SNRNP200: variants seen among roughly 807,000 people sequenced by gnomAD.
SNRNP200 encodes U5 small nuclear ribonucleoprotein 200 kDa helicase.
A neutral mutation model predicts 255.2 loss-of-function variants in SNRNP200; 66 were observed. The ratio of observed to expected loss-of-function variants is 0.26; its 90% CI spans 0.21 to 0.32. The LOEUF is 0.32. SNRNP200 is among the 10% of genes least tolerant of loss of function. SNRNP200 has a pLI of 1.00. For synonymous variants in SNRNP200, 939 were observed against 1,027.8 expected, an observed-to-expected ratio of 0.91 and a Z score of 1.65; for missense variants, 1,585 against 2,749.8, an observed-to-expected ratio of 0.58 and a Z score of 9.47.
intron 5 of SNRNP200, 90 bp from the exon 6 acceptor site, chr2:96,299,517 A>C: frequency 5.6e-6 from 6 of 1,063,236 alleles, no homozygotes; most frequent in Non-Finnish European, 7.3e-6. Flanking sequence ...AATTAGCTCA[A>C]TGGGTAGAGA....
In SNRNP200 at chr2:96,290,210, G is replaced by T; in HGVS notation, c.2742+116C>A. On this transcript the variant is annotated intron_variant, in intron 20 of 44. Transcript: ENST00000323853. This position sits in a 1 kb window ranked among gnomAD's most constrained non-coding sequence, Gnocchi z 4.5. ...TATCTGCCAGACCCAAGATGTGGGT[G>T]CAGGGATGGAAGGCCTCGGACGCTG... is the stretch of plus-strand genomic sequence containing the variant. 1 of 1,177,988 alleles carries T rather than the reference G, an allele frequency of 8.5e-7. No homozygotes were observed. The highest frequency in any genetic ancestry group is 1.3e-6 in the Non-Finnish European group (1 of 784,554). 73.0% of individuals were successfully genotyped at this position (1,177,988 alleles called of 1,614,324 possible).
chr2:96,296,814 A>T, intron 12 of SNRNP200, 119 bp downstream of exon 12: 1 of 1,549,452 alleles, frequency 6.5e-7, no homozygotes, highest in Non-Finnish European at 8.9e-7. Context: ...CCTACTATTT[A>T]ACCTCTCTTC....
intron 16 of SNRNP200, among the ~76,000 whole-genome samples, chr2:96,292,150 A>G (rs1018624486): frequency 6.6e-6 from 1 of 152,256 alleles, no homozygotes; most frequent in African/African-American, 2.4e-5. Context: ...TTGAACAGCA[A>G]CTTTAAATAG....
At position 96,286,587 on chromosome 2, in the gene SNRNP200, ACT is replaced by A. The variant is rs2063845197; in HGVS notation, c.3829+99_3829+100del. The A allele has an allele frequency of 2.5e-6, 4 of 1,586,366 alleles. No homozygotes were observed. The highest frequency in any genetic ancestry group is 2.2e-5 in the East Asian group (1 of 44,458). On this transcript the variant is annotated intron_variant, in intron 28 of 44. Coordinates refer to ENST00000323853, the MANE Select transcript of SNRNP200 (RefSeq NM_014014.5). The surrounding 1 kb of genome is among the most constrained non-coding windows in gnomAD (Gnocchi z 4.8). ...TGGAAACCTAGGCAGCATATGTATCACTCTGTCCCCAGCAAGGGCAAGCCCGG... is the reference window on the plus strand; with the variant it reads ...TGGAAACCTAGGCAGCATATGTATCACTGTCCCCAGCAAGGGCAAGCCCGG...
chr2:96,300,475 T>C (rs1048076318), intron 5 of SNRNP200, among the ~76,000 whole-genome samples: 1 of 152,200 alleles, frequency 6.6e-6, no homozygotes, highest in Non-Finnish European at 1.5e-5. Flanking sequence ...AATAATTATA[T>C]TGTGGCCGGG....
Position 96,287,412 on chromosome 2 carries a change from G to C in SNRNP200, c.3484+27C>G, listed in dbSNP as rs377349905. On this transcript the variant is annotated intron_variant, in intron 26 of 44. Transcript: ENST00000323853. This position sits in a 1 kb window ranked among gnomAD's most constrained non-coding sequence, Gnocchi z 5.7. ...ACTGGGAGAGACACCCAGGCAGTGA[G>C]GACAAGGGCGAGAGCATCCCACACA... 5 of 1,517,622 alleles carry C rather than the reference G, an allele frequency of 3.3e-6. No individual in the cohort carries two copies. The highest frequency in any genetic ancestry group is 4.6e-6 in the Non-Finnish European group (5 of 1,092,226). The allele number at this position is 1,517,622 out of a possible 1,614,324, so 94.0% of individuals were successfully genotyped here. A position where few individuals can be genotyped will look rare whatever the true frequency, so the allele number is the denominator to read the frequency against.
At position 96,288,999 on chromosome 2, in the gene SNRNP200, TC is replaced by T; in HGVS notation, c.3174+37del. 2.6e-6 allele frequency: 4 copies of T among 1,546,746 alleles called. No homozygotes were observed. In the South Asian group the frequency reaches 3.5e-5, roughly 13 times the overall value. On this transcript the variant is annotated intron_variant, in intron 23 of 44. Transcript: ENST00000323853. ...TTAGAAGATTATGAAAACCACTTAATCCTCATCCTTATCAAAGCAAAGAGGA... is the reference window on the plus strand; with the variant it reads ...TTAGAAGATTATGAAAACCACTTAATCTCATCCTTATCAAAGCAAAGAGGA...
In SNRNP200 at chr2:96,283,150, C is replaced by T; in HGVS notation, c.4915+51G>A. 1.9e-6 allele frequency: 3 copies of T among 1,609,660 alleles called. No individual in the cohort carries two copies. Among genetic ancestry groups the T allele is most frequent in the Non-Finnish European group, 2.5e-6 (3 of 1,178,520 alleles). On this transcript the variant is annotated intron_variant, in intron 34 of 44. Coordinates refer to ENST00000323853, the MANE Select transcript of SNRNP200 (RefSeq NM_014014.5). This position sits in a 1 kb window ranked among gnomAD's most constrained non-coding sequence, Gnocchi z 4.7. Reference sequence around the variant, plus strand: ...CCACCCGCACCCCTCAAGTTTAACACCACCACTTGGTGATACCCTTGCTAT... The same window carrying T: ...CCACCCGCACCCCTCAAGTTTAACATCACCACTTGGTGATACCCTTGCTAT...
At chr2:96,298,511 C>A in intron 8 of SNRNP200, 91 bp from the exon 9 acceptor site, 3 of 1,609,902 alleles carry the variant, frequency 1.9e-6, no homozygotes, top group Non-Finnish European at 8.5e-7. Context: ...ATAAAAGAAA[C>A]AAGCACTTAG....
intron 4 of SNRNP200, 99 bp downstream of exon 4, chr2:96,301,425 A>C: frequency 8.1e-7 from 1 of 1,239,416 alleles, no homozygotes; most frequent in African/African-American, 1.5e-5. Context: ...ATGGGAACTC[A>C]CTGACATTAA....
rs2063849739 is a variant in SNRNP200 at position 96,287,236 on chromosome 2, T to G, written c.3485-76A>C. ...TGCAAACTGGGCCTGAGGGCCACTGTGGGAAAGGGGTAGGGTCTTCCCTTT... is the reference window on the plus strand; with the variant it reads ...TGCAAACTGGGCCTGAGGGCCACTGGGGGAAAGGGGTAGGGTCTTCCCTTT... On this transcript the variant is annotated intron_variant, in intron 26 of 44. Coordinates refer to ENST00000323853, the MANE Select transcript of SNRNP200 (RefSeq NM_014014.5). This position sits in a 1 kb window ranked among gnomAD's most constrained non-coding sequence, Gnocchi z 5.7. The G allele has an allele frequency of 6.4e-7, 1 of 1,564,770 alleles. No homozygotes were observed. Among genetic ancestry groups the G allele is most frequent in the East Asian group, 2.2e-5 (1 of 44,616 alleles).
At position 96,291,687 on chromosome 2, in the gene SNRNP200, C is replaced by G; in HGVS notation, c.2310+64G>C. ...CACAGTACAGTCCTAGAGGAGCTGT[C>G]TGGGGCCTGAGATGGACACAGCTGC... On this transcript the variant is annotated intron_variant, in intron 17 of 44. Transcript: ENST00000323853. This position sits in a 1 kb window ranked among gnomAD's most constrained non-coding sequence, Gnocchi z 4.2. 1 of 1,584,520 alleles carries G rather than the reference C, an allele frequency of 6.3e-7. No individual in the cohort carries two copies. Among genetic ancestry groups the G allele is most frequent in the Admixed American group, 1.7e-5 (1 of 59,992 alleles).
chr2:96,298,768 T>C (rs2104359507), intron 7 of SNRNP200, 47 bp downstream of exon 7: 2 of 1,613,992 alleles, frequency 1.2e-6, no homozygotes, highest in East Asian at 2.2e-5. Context: ...GCTGTCCCCA[T>C]GTGCTAAGAT....
Position 96,290,321 on chromosome 2 carries a change from C to G in SNRNP200, c.2742+5G>C. ...CATGAAGCACAACAAGCAGTCCTCC[C>G]CTACCTTGGCATTCTGGACATTTCC... On this transcript the variant is annotated splice_donor_5th_base_variant and intron_variant, in intron 20 of 44. Coordinates refer to ENST00000323853, the MANE Select transcript of SNRNP200 (RefSeq NM_014014.5). The surrounding 1 kb of genome is among the most constrained non-coding windows in gnomAD (Gnocchi z 4.5). 6.2e-7 allele frequency: 1 copy of G among 1,613,750 alleles called. No individual in the cohort carries two copies. Among genetic ancestry groups the G allele is most frequent in the Non-Finnish European group, 8.5e-7 (1 of 1,179,984 alleles).
chr2:96,296,484 C>T (rs886188532), intron 13 of SNRNP200, 52 bp downstream of exon 13: 1 of 1,596,816 alleles, frequency 6.3e-7, no homozygotes, highest in Non-Finnish European at 8.6e-7. Flanking sequence ...CTGTCCACAA[C>T]ACTTTCATAG....
chr2:96,304,259 A>G (rs2063973221), intron 2 of SNRNP200, among the ~76,000 whole-genome samples: 1 of 151,996 alleles, frequency 6.6e-6, no homozygotes, highest in Non-Finnish European at 1.5e-5. Context: ...AAAAAAAAAA[A>G]TAAAGGAAAA....
chr2:96,274,833 C>A lies in SNRNP200; in HGVS notation c.*179G>T. On this transcript the variant is annotated 3_prime_UTR_variant, in exon 45 of 45. Coordinates refer to ENST00000323853, the MANE Select transcript of SNRNP200 (RefSeq NM_014014.5). ...ATTTATGCTTGACCCATGACACCTGCTGTCACTGGATCCAGAGTGAGCAAG... is the reference window on the plus strand; with the variant it reads ...ATTTATGCTTGACCCATGACACCTGATGTCACTGGATCCAGAGTGAGCAAG... 1.4e-6 allele frequency: 1 copy of A among 702,654 alleles called. No homozygotes were observed. Among genetic ancestry groups the A allele is most frequent in the South Asian group, 1.6e-5 (1 of 64,074 alleles). 43.5% of individuals were successfully genotyped at this position (702,654 alleles called of 1,614,324 possible). A position where few individuals can be genotyped will look rare whatever the true frequency, so the allele number is the denominator to read the frequency against.
At chr2:96,276,872 G>A in intron 43 of SNRNP200, 32 bp downstream of exon 43, 1 of 1,609,874 alleles carries the variant, frequency 6.2e-7, no homozygotes, top group East Asian at 2.2e-5. Context: ...AGGGTGAGTT[G>A]ACACCTGACC....
chr2:96,279,264 A>C, intron 36 of SNRNP200, 187 bp downstream of exon 36: 1 of 664,792 alleles, frequency 1.5e-6, no homozygotes, highest in Non-Finnish European at 2.7e-6. Context: ...CGTGGAGCCA[A>C]CGGCAGCAGC....
Sources: gnomAD v4.1 joint callset for allele counts (sites outside exome capture counted in the v4.1 genomes callset) on GRCh38, gnomAD v4.1.1 for gene constraint, Gnocchi (gnomAD v3.1) non-coding constraint, MANE v1.5 for transcripts, NCBI Gene and HGNC (gene_info 2026-07-23, HGNC 2026-07-21) for gene names.